IFT122: variants seen among roughly 807,000 people sequenced by gnomAD.
IFT122 encodes intraflagellar transport 122.
In IFT122, 118 loss-of-function variants were observed where a neutral mutation model predicts 161.6. The ratio of observed to expected loss-of-function variants is 0.73; its 90% CI spans 0.63 to 0.85. The LOEUF (loss-of-function observed/expected upper bound fraction) is 0.85, where lower values mean the gene tolerates loss of function less well. Ranked by LOEUF, IFT122 falls within the 40% of genes least tolerant of loss-of-function variation. The pLI is 0.00. For missense variants in IFT122, 1,381 were observed against 1,579.6 expected, an observed-to-expected ratio of 0.87 and a Z score of 2.13; for synonymous variants, 550 against 602.4, an observed-to-expected ratio of 0.91 and a Z score of 1.27.
At chr3:129,477,335 C>T (rs998099694) in intron 11 of IFT122, among the ~76,000 whole-genome samples, 3 of 152,200 alleles carry the variant, frequency 2.0e-5, no homozygotes, top group African/African-American at 7.2e-5. Flanking sequence ...TCCCTCTGTC[C>T]ACTTAAGTTG....
intron 9 of IFT122, 102 bp from the exon 10 acceptor site, chr3:129,476,213 C>T (rs1432784621): frequency 1.5e-6 from 2 of 1,297,336 alleles, no homozygotes; most frequent in African/African-American, 1.5e-5. Context: ...TCCCTGTCTT[C>T]CCAACTCCCT....
intron 22 of IFT122, among the ~76,000 whole-genome samples, chr3:129,506,914 T>C (rs2082249665): frequency 6.6e-6 from 1 of 152,208 alleles, no homozygotes. Context: ...ACACTCCAGA[T>C]TCTTACTCAT....
intron 1 of IFT122, among the ~76,000 whole-genome samples, chr3:129,445,065 C>G (rs1220533092): frequency 2.6e-5 from 4 of 152,150 alleles, no homozygotes; most frequent in African/African-American, 9.7e-5. Context: ...GTGGCTCACA[C>G]TTAAAATCCC....
chr3:129,461,751 T>C (rs913561252), intron 5 of IFT122, among the ~76,000 whole-genome samples: 25 of 152,222 alleles, frequency 1.6e-4, no homozygotes, highest in African/African-American at 5.5e-4. Context: ...TTGTCGTCAT[T>C]ACTGGTTTAG....
chr3:129,482,697 C>T (rs1186710401), intron 14 of IFT122, among the ~76,000 whole-genome samples: 1 of 152,194 alleles, frequency 6.6e-6, no homozygotes, highest in African/African-American at 2.4e-5. Context: ...CTGACCTGGG[C>T]TTGGGTCCTG....
intron 27 of IFT122, 121 bp downstream of exon 27, chr3:129,517,715 C>G: frequency 7.5e-7 from 1 of 1,338,800 alleles, no homozygotes; most frequent in Non-Finnish European, 1.1e-6. Context: ...GCCCTGTGTT[C>G]CCAGAGAGAT....
Position 129,468,773 on chromosome 3 carries a change from AGTT to A in IFT122, c.741-565_741-563del, listed in dbSNP as rs374021228. On this transcript the variant is annotated intron_variant, in intron 8 of 29. Transcript: ENST00000348417. ...CCCATAGGTTCTCAGTTTCAAAGAC[AGTT>A]GTTTGTTTTCAGAGCCCATTGCTCT... Among the ~76,000 whole-genome samples, 58 of 152,306 alleles carry A rather than the reference AGTT, an allele frequency of 3.8e-4. 1 individual carries two copies. The South Asian group carries it at 9.7e-3, about 26-fold the overall frequency.
chr3:129,464,626 T>C lies in IFT122; in HGVS notation c.417-9T>C. 1.2e-6 allele frequency: 2 copies of C among 1,614,152 alleles called. No homozygotes were observed. The highest frequency in any genetic ancestry group is 1.3e-5 in the African/African-American group (1 of 75,044). On this transcript the variant is annotated splice_polypyrimidine_tract_variant and intron_variant, in intron 6 of 29. Transcript: ENST00000348417. ...CTATCCCCATGCCTTTTGTTGGTTG[T>C]GTACACAGCTGGACAAATGATGGTC...
At chr3:129,506,643 T>C in intron 22 of IFT122, 94 bp downstream of exon 22, 1 of 1,548,112 alleles carries the variant, frequency 6.5e-7, no homozygotes, top group South Asian at 1.1e-5. Context: ...ATTAAAGCCC[T>C]GGGCTTGTTT....
chr3:129,471,627 A>G (rs1479488406), intron 9 of IFT122, among the ~76,000 whole-genome samples: 1 of 152,206 alleles, frequency 6.6e-6, no homozygotes, highest in Non-Finnish European at 1.5e-5. Flanking sequence ...TTGTGGCCCA[A>G]AGTTTCTGCA....
intron 4 of IFT122, 41 bp from the exon 5 acceptor site, chr3:129,461,185 TTG>T (rs1433540419): frequency 5.4e-6 from 8 of 1,475,184 alleles, no homozygotes; most frequent in Non-Finnish European, 7.6e-6. Context: ...ACTGAAATCT[TTG>T]TGGTTTGCTG....
At chr3:129,488,203 CT>C in intron 15 of IFT122, 53 bp from the exon 16 acceptor site, 5 of 1,613,238 alleles carry the variant, frequency 3.1e-6, no homozygotes, top group Non-Finnish European at 3.4e-6. Context: ...GCATCTGGTT[CT>C]TTCCATGGCT....
chr3:129,461,412 A>G lies in IFT122; in HGVS notation c.349+108A>G, dbSNP rs1268619316. 1.2e-5 allele frequency: 10 copies of G among 825,646 alleles called. No individual in the cohort carries two copies. The Admixed American group carries it at 1.5e-4, about 12-fold the overall frequency. 51.1% of individuals were successfully genotyped at this position (825,646 alleles called of 1,614,324 possible). A position where few individuals can be genotyped will look rare whatever the true frequency, so the allele number is the denominator to read the frequency against. On this transcript the variant is annotated intron_variant, in intron 5 of 29. Coordinates refer to ENST00000348417, the MANE Select transcript of IFT122 (RefSeq NM_052989.3). ...ATTTTATCCTGAGAGAGTTAATACT[A>G]CTTCTCTACCTTCAATGGCTGAGGG...
At chr3:129,462,034 A>T (rs2076263315) in intron 5 of IFT122, among the ~76,000 whole-genome samples, 1 of 152,228 alleles carries the variant, frequency 6.6e-6, no homozygotes, top group Non-Finnish European at 1.5e-5. Flanking sequence ...AATCCCTCTC[A>T]GTGTTCCAGT....
intron 15 of IFT122, chr3:129,487,923 AAT>A (rs1028870577): frequency 5.0e-6 from 2 of 401,886 alleles, no homozygotes; most frequent in Admixed American, 7.2e-5. Flanking sequence ...TTGAAAGCCA[AAT>A]AGGTATTTTC....
chr3:129,517,408 C>T (rs2084107200), intron 26 of IFT122, 61 bp from the exon 27 acceptor site: 1 of 1,603,194 alleles, frequency 6.2e-7, no homozygotes, highest in Non-Finnish European at 8.5e-7. Flanking sequence ...ACCCCACCTG[C>T]CTGGCGGCAA....
chr3:129,484,571 T>C (rs2108362041), intron 15 of IFT122, among the ~76,000 whole-genome samples: 1 of 152,322 alleles, frequency 6.6e-6, no homozygotes, highest in East Asian at 1.9e-4. Flanking sequence ...AGATGGAACC[T>C]CAGATTTACT....
At chr3:129,448,727 C>T (rs1030077392) in intron 1 of IFT122, among the ~76,000 whole-genome samples, 6 of 151,596 alleles carry the variant, frequency 4.0e-5, no homozygotes, top group African/African-American at 1.2e-4. Flanking sequence ...AGTCTTCCTC[C>T]GTCGCCCAGA....
At chr3:129,481,352 A>C in intron 13 of IFT122, 178 bp from the exon 14 acceptor site, 2 of 652,416 alleles carry the variant, frequency 3.1e-6, no homozygotes, top group Non-Finnish European at 2.8e-6. Flanking sequence ...CCTCCTAAGG[A>C]TAAGCCATTG....
Sources: allele counts gnomAD v4.1 joint callset (sites outside exome capture counted in the v4.1 genomes callset), GRCh38; gene constraint gnomAD v4.1.1; transcripts MANE v1.5; gene names NCBI Gene and HGNC (gene_info 2026-07-23, HGNC 2026-07-21).